Variants in ABTB2 observed in about 807,000 individuals in gnomAD.
ABTB2 encodes the protein ankyrin repeat and BTB domain containing 2.
In ABTB2, 56 loss-of-function variants were observed where a neutral mutation model predicts 104.1. That is an observed-to-expected ratio of 0.54 (90% CI 0.43 to 0.67). The LOEUF (loss-of-function observed/expected upper bound fraction) is 0.67. Ranked by LOEUF, ABTB2 falls within the 30% of genes least tolerant of loss-of-function variation. ABTB2 has a pLI of 0.00. For synonymous variants in ABTB2, 606 were observed against 608.2 expected, an observed-to-expected ratio of 1.00 and a Z score of 0.05; for missense variants, 1,279 against 1,407.7, an observed-to-expected ratio of 0.91 and a Z score of 1.46.
intron 1 of ABTB2, among the ~76,000 whole-genome samples, chr11:34,253,140 G>T (rs1385939695): frequency 2.0e-5 from 3 of 152,202 alleles, no homozygotes; most frequent in Non-Finnish European, 4.4e-5. Flanking sequence ...GCACAGGAGA[G>T]TCTGGGAGAA....
chr11:34,166,206 C>G (rs1047670130), intron 7 of ABTB2, among the ~76,000 whole-genome samples: 5 of 152,372 alleles, frequency 3.3e-5, no homozygotes, highest in Admixed American at 3.3e-4. Flanking sequence ...TCTAGGGGAG[C>G]CCAACCGCCC....
intron 1 of ABTB2, among the ~76,000 whole-genome samples, chr11:34,282,913 T>C (rs1854463912): frequency 6.6e-6 from 1 of 151,632 alleles, no homozygotes; most frequent in African/African-American, 2.4e-5. Flanking sequence ...AAAAGTCTTT[T>C]TCTTTTTTTT....
Position 34,276,802 on chromosome 11 carries a change from C to T in ABTB2, c.884-72112G>A, listed in dbSNP as rs145635586. 3.0e-3 allele frequency among the ~76,000 whole-genome samples: 451 copies of T among 152,300 alleles called. 1 individual carries two copies. The highest frequency in any genetic ancestry group is 0.01 in the African/African-American group (428 of 41,566). On this transcript the variant is annotated intron_variant, in intron 1 of 16. Transcript: ENST00000435224. ...GTTTAGCTGGCATGGAGGCTTCAGACGTGACCTAATAACCTCTCAGATCCA... is the reference window on the plus strand; with the variant it reads ...GTTTAGCTGGCATGGAGGCTTCAGATGTGACCTAATAACCTCTCAGATCCA...
At chr11:34,253,157 C>T (rs1011645052) in intron 1 of ABTB2, among the ~76,000 whole-genome samples, 3 of 152,326 alleles carry the variant, frequency 2.0e-5, no homozygotes, top group South Asian at 2.1e-4. Context: ...AGAATCTCCA[C>T]CCCCTTCTCC....
chr11:34,262,332 T>C (rs1854197500), intron 1 of ABTB2, among the ~76,000 whole-genome samples: 2 of 152,234 alleles, frequency 1.3e-5, no homozygotes, highest in South Asian at 2.1e-4. Flanking sequence ...CCAATCTGGG[T>C]ACCTCCCCTG....
rs1191932438 is a variant in ABTB2 at position 34,197,330 on chromosome 11, A to G, written c.1239T>C (p.Asn413=). The change falls in exon 3 of 17, where the codon AAT becomes AAC. Residue 413 remains asparagine (N), a synonymous_variant. Coordinates refer to ENST00000435224, the MANE Select transcript of ABTB2 (RefSeq NM_145804.3). The stretch of plus-strand genomic sequence containing the variant: ...AGCCCAAGGAAGATCCCTACCGTTC[A>G]TTGTTCAAGGTCATTCTCGGGGGGT... ...NLDPPRMTLN[N]ERPFMLLPPL... is the part of the protein sequence containing the mutation. The G allele has an allele frequency of 6.2e-7, 1 of 1,613,730 alleles. No homozygotes were observed. The highest frequency in any genetic ancestry group is 1.3e-5 in the African/African-American group (1 of 74,830).
At chr11:34,272,726 A>AC (rs1464893436) in intron 1 of ABTB2, among the ~76,000 whole-genome samples, 53 of 150,424 alleles carry the variant, frequency 3.5e-4, no homozygotes, top group African/African-American at 1.2e-3. Context: ...AAAAAAAAAA[A>AC]AAAAACCAAC....
chr11:34,165,165 CT>C (rs1852780692), intron 8 of ABTB2, 94 bp downstream of exon 8: 3 of 1,197,700 alleles, frequency 2.5e-6, no homozygotes, highest in African/African-American at 3.1e-5. Context: ...TCCGTGTGTG[CT>C]AAAGAGACCC....
rs149192941 is a variant in ABTB2, at chr11:34,326,290, T to C, written c.883+30411A>G. 1.7e-3 allele frequency among the ~76,000 whole-genome samples: 252 copies of C among 152,208 alleles called. 1 individual carries two copies. Among genetic ancestry groups the C allele is most frequent in the African/African-American group, 5.8e-3 (241 of 41,528 alleles). ...ACCCACCAAAAAAACCACAGAGATA[T>C]AGTCAAAACACATAATAGATACATT... On this transcript the variant is annotated intron_variant, in intron 1 of 16. Coordinates refer to ENST00000435224, the MANE Select transcript of ABTB2 (RefSeq NM_145804.3).
Position 34,313,487 on chromosome 11 carries a change from C to T in ABTB2, c.883+43214G>A, listed in dbSNP as rs529108285. Among the ~76,000 whole-genome samples the T allele has an allele frequency of 2.1e-4, 32 of 152,354 alleles. No homozygotes were observed. In the South Asian group the frequency reaches 4.1e-3, roughly 20 times the overall value. On this transcript the variant is annotated intron_variant, in intron 1 of 16. Coordinates refer to ENST00000435224, the MANE Select transcript of ABTB2 (RefSeq NM_145804.3). ...CCCCCAGAGAGTGCCACCTCCTGCC[C>T]CTTGGGGCCCAGGCTCCCCGGAGAA...
intron 1 of ABTB2, among the ~76,000 whole-genome samples, chr11:34,232,660 G>A (rs1853788019): frequency 6.6e-6 from 1 of 152,014 alleles, no homozygotes; most frequent in South Asian, 2.1e-4. Context: ...TATTTATCGA[G>A]CCCTTGGCCT....
intron 1 of ABTB2, chr11:34,335,321 T>A: frequency 9.3e-7 from 1 of 1,079,148 alleles, no homozygotes; most frequent in Non-Finnish European, 1.5e-6. Context: ...CCAAACCAGA[T>A]GATGGGTCAG....
At chr11:34,238,796 G>T (rs2611094) in intron 1 of ABTB2, among the ~76,000 whole-genome samples, 2 of 152,082 alleles carry the variant, frequency 1.3e-5, no homozygotes, top group East Asian at 3.9e-4. Context: ...CTCTGTCGCC[G>T]AGGCTGGAGT....
At chr11:34,290,228 A>G (rs1854551954) in intron 1 of ABTB2, among the ~76,000 whole-genome samples, 1 of 152,226 alleles carries the variant, frequency 6.6e-6, no homozygotes, top group Admixed American at 6.5e-5. Context: ...ATTTGTATCA[A>G]AGTAGCTATC....
chr11:34,179,037 C>T (rs1852991115), intron 3 of ABTB2, among the ~76,000 whole-genome samples: 2 of 138,946 alleles, frequency 1.4e-5, no homozygotes, highest in South Asian at 2.2e-4. Context: ...GATCACACCA[C>T]ATCACTGCAC....
At chr11:34,224,340 T>G (rs1033763615) in intron 1 of ABTB2, among the ~76,000 whole-genome samples, 1 of 152,098 alleles carries the variant, frequency 6.6e-6, no homozygotes, top group African/African-American at 2.4e-5. Context: ...AATGGGGTCT[T>G]GTCCTGCTAC....
rs186302079 is a variant in ABTB2, at chr11:34,286,482, G to A, written c.883+70219C>T. ...TAATGTTTGTATTTTTAGTAGAGAT[G>A]GGGTTTCACCATGTTGTCCAGGCTG... is the stretch of plus-strand genomic sequence containing the variant. On this transcript the variant is annotated intron_variant, in intron 1 of 16. Coordinates refer to ENST00000435224, the MANE Select transcript of ABTB2 (RefSeq NM_145804.3). 5.7e-3 allele frequency among the ~76,000 whole-genome samples: 865 copies of A among 151,974 alleles called. 3 individuals carry two copies. Among genetic ancestry groups the A allele is most frequent in the African/African-American group, 0.02 (836 of 41,462 alleles).
chr11:34,338,878 G>A (rs1855227656), intron 1 of ABTB2, among the ~76,000 whole-genome samples: 1 of 152,250 alleles, frequency 6.6e-6, no homozygotes, highest in South Asian at 2.1e-4. Context: ...CTAAGCCTAG[G>A]AATATCAACA....
intron 1 of ABTB2, among the ~76,000 whole-genome samples, chr11:34,225,170 CA>C (rs1687837824): frequency 1.3e-5 from 2 of 152,198 alleles, no homozygotes; most frequent in Non-Finnish European, 2.9e-5. Flanking sequence ...TCCAATTGCT[CA>C]GCTAATGAGG....
Sources: allele counts gnomAD v4.1 joint callset (sites outside exome capture counted in the v4.1 genomes callset), GRCh38; gene constraint gnomAD v4.1.1; transcripts MANE v1.5; gene names NCBI Gene and HGNC (gene_info 2026-07-23, HGNC 2026-07-21).